The following OMA1 variants were observed in gnomAD, a reference collection of about 807,000 sequenced individuals.
The protein encoded by OMA1 is OMA1 zinc metallopeptidase.
OMA1 carries 38 observed loss-of-function variants against 30.9 expected under a neutral mutation model. That is an observed-to-expected ratio of 1.23 (90% CI 0.95 to 1.61). The LOEUF is 1.61. Among genes scored for constraint, OMA1 ranks in the 40% most tolerant of loss-of-function variants. OMA1 has a pLI of 0.00. For missense variants in OMA1, 461 were observed against 349.2 expected (o/e 1.32, Z -2.55); for synonymous variants, 173 against 121.9 (o/e 1.42, Z -2.76).
In OMA1 at chr1:58,480,863, T is replaced by C. The variant is rs112718427; in HGVS notation, c.*102A>G. The C allele has an allele frequency of 1.8e-5, 12 of 678,958 alleles. No individual in the cohort carries two copies. The highest frequency in any genetic ancestry group is 4.2e-4 in the Middle Eastern group (1 of 2,360). The allele number at this position is 678,958 out of a possible 1,614,324, so 42.1% of individuals were successfully genotyped here. ...GTAATGTACATGATTTGACCCTGAA[T>C]ATCCTTTTTTTTTTCACTTCAAACA... On this transcript the variant is annotated 3_prime_UTR_variant, in exon 9 of 9. Coordinates refer to ENST00000371226, the MANE Select transcript of OMA1 (RefSeq NM_145243.5).
At position 58,539,254 on chromosome 1, in the gene OMA1, TGGTTTC is replaced by T; in HGVS notation, c.35_40del (p.Arg12_His14delinsAsn). ...CAGTGAATTAAATCGGAAGAAAACA[TGGTTTC>T]TAGCAGCAGACTGCAATCCACAGAT... is the stretch of plus-strand genomic sequence containing the variant. On this transcript the variant is annotated inframe_deletion, in exon 2 of 9. Coordinates refer to ENST00000371226, the MANE Select transcript of OMA1 (RefSeq NM_145243.5). The T allele has an allele frequency of 1.2e-6, 1 of 869,334 alleles. No individual in the cohort carries two copies. The highest frequency in any genetic ancestry group is 2.0e-6 in the Non-Finnish European group (1 of 500,778). 53.9% of individuals were successfully genotyped at this position (869,334 alleles called of 1,614,324 possible). A position where few individuals can be genotyped will look rare whatever the true frequency, so the allele number is the denominator to read the frequency against.
chr1:58,530,509 G>A (rs1441705692), intron 6 of OMA1, 92 bp downstream of exon 6: 1 of 709,350 alleles, frequency 1.4e-6, no homozygotes, highest in East Asian at 2.5e-5. Context: ...ATAGTAAAAT[G>A]TAAAAACATC....
At chr1:58,545,086 C>T (rs1174819804) in intron 1 of OMA1, among the ~76,000 whole-genome samples, 1 of 152,090 alleles carries the variant, frequency 6.6e-6, no homozygotes, top group Non-Finnish European at 1.5e-5. Flanking sequence ...GCGAACCAGG[C>T]CCTCCTACTA....
chr1:58,506,183 T>C lies in OMA1; in HGVS notation c.1242A>G (p.Ser414=), dbSNP rs1042505858. 3.4e-6 allele frequency: 3 copies of C among 871,948 alleles called. No homozygotes were observed. Among genetic ancestry groups the C allele is most frequent in the Non-Finnish European group, 6.0e-6 (3 of 500,910 alleles). The allele number at this position is 871,948 out of a possible 1,614,324, so 54.0% of individuals were successfully genotyped here. A position where few individuals can be genotyped will look rare whatever the true frequency, so the allele number is the denominator to read the frequency against. The change falls in exon 8 of 9, where the codon TCA becomes TCG. Residue 414 remains serine (S), a synonymous_variant. Transcript: ENST00000371226. ...CGAACTCCATTTGCTGCCAAAACACTGAACTGGCTCTTATGTCTGCACAAG... is the reference window on the plus strand; with the variant it reads ...CGAACTCCATTTGCTGCCAAAACACCGAACTGGCTCTTATGTCTGCACAAG... The part of the protein sequence containing the change: ...AKACADIRAS[S]VFWQQMEFVD...
At chr1:58,483,304 G>C (rs1329209401) in intron 8 of OMA1, among the ~76,000 whole-genome samples, 1 of 152,158 alleles carries the variant, frequency 6.6e-6, no homozygotes, top group Non-Finnish European at 1.5e-5. Context: ...TACCCTGAGT[G>C]GGGTATGGTA....
intron 7 of OMA1, among the ~76,000 whole-genome samples, chr1:58,510,191 G>C (rs533299717): frequency 6.6e-6 from 1 of 151,746 alleles, no homozygotes; most frequent in Non-Finnish European, 1.5e-5. Flanking sequence ...AAAAAATTAC[G>C]GGCCAATATC....
intron 8 of OMA1, among the ~76,000 whole-genome samples, chr1:58,504,289 T>C (rs1323308192): frequency 6.6e-6 from 1 of 152,206 alleles, no homozygotes; most frequent in Non-Finnish European, 1.5e-5. Flanking sequence ...TCAGCCCCAA[T>C]GTCTTCCTTG....
chr1:58,500,899 T>G (rs1218482393), intron 8 of OMA1, among the ~76,000 whole-genome samples: 2 of 152,154 alleles, frequency 1.3e-5, no homozygotes, highest in East Asian at 3.8e-4. Flanking sequence ...ATAACAATCT[T>G]CATAGAAAAA....
At chr1:58,493,682 A>C (rs1645741824) in intron 8 of OMA1, among the ~76,000 whole-genome samples, 1 of 151,706 alleles carries the variant, frequency 6.6e-6, no homozygotes. Flanking sequence ...TTCAAAGAGA[A>C]TAAAATAGCT....
At chr1:58,513,868 C>T (rs906952560) in intron 7 of OMA1, among the ~76,000 whole-genome samples, 2 of 152,282 alleles carry the variant, frequency 1.3e-5, no homozygotes, top group African/African-American at 4.8e-5. Context: ...GACTACATAA[C>T]TTGACAAAGC....
intron 8 of OMA1, among the ~76,000 whole-genome samples, chr1:58,495,634 C>T (rs1294031616): frequency 6.6e-6 from 1 of 151,936 alleles, no homozygotes; most frequent in East Asian, 1.9e-4. Context: ...GGAAAGAGCA[C>T]TGTTGCAACC....
intron 1 of OMA1, among the ~76,000 whole-genome samples, chr1:58,540,650 T>C (rs140269828): frequency 1.2e-3 from 177 of 148,392 alleles, no homozygotes; most frequent in African/African-American, 4.2e-3. Flanking sequence ...AAATAAAGAT[T>C]TGTGACTTTG....
chr1:58,538,719 A>G (rs977966729), intron 2 of OMA1, 76 bp downstream of exon 2: 2 of 623,626 alleles, frequency 3.2e-6, no homozygotes. Context: ...ATTAATTTCT[A>G]AAAGTTAATA....
At chr1:58,495,982 G>A (rs888092654) in intron 8 of OMA1, among the ~76,000 whole-genome samples, 1 of 152,012 alleles carries the variant, frequency 6.6e-6, no homozygotes, top group African/African-American at 2.4e-5. Flanking sequence ...TGTCATTTCA[G>A]GGCTTCCCAT....
intron 8 of OMA1, among the ~76,000 whole-genome samples, chr1:58,500,084 G>A (rs1187342379): frequency 6.6e-6 from 1 of 152,140 alleles, no homozygotes; most frequent in East Asian, 1.9e-4. Context: ...TTTTTAGCAT[G>A]TTTTTCTAAA....
chr1:58,525,991 T>G (rs147211236), intron 7 of OMA1, among the ~76,000 whole-genome samples: 207 of 152,186 alleles, frequency 1.4e-3, no homozygotes, highest in African/African-American at 4.5e-3. Context: ...GTCTATTAGC[T>G]ATCCATAGGG....
chr1:58,521,407 A>G (rs546678446), intron 7 of OMA1, among the ~76,000 whole-genome samples: 11 of 152,178 alleles, frequency 7.2e-5, no homozygotes, highest in African/African-American at 1.9e-4. Context: ...AACCCAAAAA[A>G]TGAATGCAGA....
At chr1:58,488,863 G>T (rs1265290019) in intron 8 of OMA1, among the ~76,000 whole-genome samples, 1 of 152,178 alleles carries the variant, frequency 6.6e-6, no homozygotes, top group African/African-American at 2.4e-5. Context: ...CCACTTATCA[G>T]TGAGAACATA....
At chr1:58,533,321 G>A (rs1056488757) in intron 5 of OMA1, among the ~76,000 whole-genome samples, 19 of 152,042 alleles carry the variant, frequency 1.2e-4, no homozygotes, top group South Asian at 4.1e-4. Flanking sequence ...GTCCCAGTTC[G>A]GTTACTTTGT....
Sources: gnomAD v4.1 joint callset for allele counts (sites outside exome capture counted in the v4.1 genomes callset) on GRCh38, gnomAD v4.1.1 for gene constraint, MANE v1.5 for transcripts, NCBI Gene and HGNC (gene_info 2026-07-23, HGNC 2026-07-21) for gene names.